GBP4: variants seen among roughly 807,000 people sequenced by gnomAD.
GBP4 encodes the protein guanylate binding protein 4.
In GBP4, 69 loss-of-function variants were observed where a neutral mutation model predicts 62.2. The ratio of observed to expected loss-of-function variants is 1.11; its 90% CI spans 0.91 to 1.36. GBP4 has a LOEUF of 1.36. Among genes scored for constraint, GBP4 ranks in the 40% most tolerant of loss-of-function variants. GBP4 has a pLI of 0.00. For missense variants in GBP4, 697 were observed against 759.3 expected (o/e 0.92, Z 0.96); for synonymous variants, 278 against 274.6 (o/e 1.01, Z -0.12).
chr1:89,197,430 G>A, intron 1 of GBP4, 126 bp from the exon 2 acceptor site: 3 of 612,308 alleles, frequency 4.9e-6, no homozygotes, highest in East Asian at 2.9e-5. Flanking sequence ...ACATTTTAAT[G>A]GTATATAAAT....
chr1:89,184,324 A>G lies in GBP4; in HGVS notation c.*930T>C, dbSNP rs1351536693. 1 of 152,196 alleles carries G rather than the reference A, an allele frequency of 6.6e-6. No individual in the cohort carries two copies. The highest frequency in any genetic ancestry group is 1.5e-5 in the Non-Finnish European group (1 of 68,032). The allele number at this position is 152,196 out of a possible 1,614,324, so 9.4% of individuals were successfully genotyped here. A position where few individuals can be genotyped will look rare whatever the true frequency, so the allele number is the denominator to read the frequency against. Reference sequence around the variant, plus strand: ...ACTCAGAATTACCATTCAACTCAGCAATCCCATTATTCCCAAAGGAATGCA... The same window carrying G: ...ACTCAGAATTACCATTCAACTCAGCGATCCCATTATTCCCAAAGGAATGCA... On this transcript the variant is annotated 3_prime_UTR_variant, in exon 11 of 11. Coordinates refer to ENST00000355754, the MANE Select transcript of GBP4 (RefSeq NM_052941.5).
At chr1:89,192,398 C>T (rs528766949) in intron 5 of GBP4, among the ~76,000 whole-genome samples, 34 of 151,924 alleles carry the variant, frequency 2.2e-4, no homozygotes, top group Non-Finnish European at 4.0e-4. Context: ...CTTCCTGGAT[C>T]GTTTGCTGTA....
At chr1:89,194,746 CA>C (rs1157657972) in intron 3 of GBP4, among the ~76,000 whole-genome samples, 2 of 152,134 alleles carry the variant, frequency 1.3e-5, no homozygotes, top group African/African-American at 4.8e-5. Context: ...AGAGTTGAAC[CA>C]AAATGTTAGT....
chr1:89,195,005 C>A (rs1193486052), intron 3 of GBP4, among the ~76,000 whole-genome samples: 1 of 152,160 alleles, frequency 6.6e-6, no homozygotes, highest in East Asian at 1.9e-4. Flanking sequence ...GGCTCTTGGC[C>A]TTTACCTTGT....
Position 89,184,030 on chromosome 1 carries a change from C to T in GBP4, c.*1224G>A, listed in dbSNP as rs1415494752. ...AAAAAATTTACAAGCGAAAAACAAG[C>T]AACCCCATTAAAAAGAAAGTGGGCA... On this transcript the variant is annotated 3_prime_UTR_variant, in exon 11 of 11. Coordinates refer to ENST00000355754, the MANE Select transcript of GBP4 (RefSeq NM_052941.5). The T allele has an allele frequency of 6.6e-6, 1 of 152,152 alleles. No individual in the cohort carries two copies. The highest frequency in any genetic ancestry group is 2.4e-5 in the African/African-American group (1 of 41,422). 9.4% of individuals were successfully genotyped at this position (152,152 alleles called of 1,614,324 possible).
In GBP4 at chr1:89,188,662, G is replaced by A; in HGVS notation, c.1330C>T (p.Pro444Ser). Residue 444 changes from proline to serine, a missense_variant, in exon 8 of 11, where the codon CCT becomes TCT. By Grantham distance (74) the Pro-to-Ser change is moderately conservative. Transcript: ENST00000355754. ...ESILRGIFSV[P>S]GGHNLYLEEK... ...TCTAAGTAGAGATTGTGTCCTCCAG[G>A]AACAGAGAAAATTCCTCTCAAAATG... 1 of 1,614,146 alleles carries A rather than the reference G, an allele frequency of 6.2e-7. No homozygotes were observed. Among genetic ancestry groups the A allele is most frequent in the Non-Finnish European group, 8.5e-7 (1 of 1,180,010 alleles).
intron 3 of GBP4, among the ~76,000 whole-genome samples, chr1:89,193,828 C>A (rs113507728): frequency 6.6e-6 from 1 of 152,162 alleles, no homozygotes; most frequent in Non-Finnish European, 1.5e-5. Context: ...AAGTTCCTCA[C>A]GACAGTCCCT....
At chr1:89,188,537 T>A in intron 8 of GBP4, 45 bp downstream of exon 8, 2 of 1,502,810 alleles carry the variant, frequency 1.3e-6, no homozygotes, top group Non-Finnish European at 1.9e-6. Flanking sequence ...ACAAAAACCC[T>A]CTGACTATCC....
chr1:89,198,808 T>C lies in GBP4; in HGVS notation c.27A>G (p.Ala9=), dbSNP rs911752722. ...GAGCAAACTTACCTGGTGTGGGCAC[T>C]GCAGCGTGAAGAGTTCTCTCACCCA... MGERTLHA[A]VPTPGYPESE... is the part of the protein sequence containing the mutation. Residue 9 remains alanine, a synonymous_variant, in exon 1 of 11, where the codon GCA becomes GCG. Transcript: ENST00000355754. The C allele has an allele frequency of 2.5e-6, 4 of 1,613,962 alleles. No homozygotes were observed. The highest frequency in any genetic ancestry group is 2.5e-6 in the Non-Finnish European group (3 of 1,179,802).
At position 89,184,143 on chromosome 1, in the gene GBP4, GCATAC is replaced by G. The variant is rs1311183854; in HGVS notation, c.*1106_*1110del. ...CATCATCACTAATCACTACAGAAAT[GCATAC>G]CATCTCACACCAGTCAGAATGGCTG... On this transcript the variant is annotated 3_prime_UTR_variant, in exon 11 of 11. Coordinates refer to ENST00000355754, the MANE Select transcript of GBP4 (RefSeq NM_052941.5). 6.6e-6 allele frequency: 1 copy of G among 152,138 alleles called. No homozygotes were observed. The highest frequency in any genetic ancestry group is 6.5e-5 in the Admixed American group (1 of 15,278). 9.4% of individuals were successfully genotyped at this position (152,138 alleles called of 1,614,324 possible).
chr1:89,197,361 G>GTAGCCCTTAGGGAT, intron 1 of GBP4, 57 bp from the exon 2 acceptor site: 2 of 1,415,870 alleles, frequency 1.4e-6, no homozygotes, highest in Non-Finnish European at 1.9e-6. Flanking sequence ...CATCCCTAAG[G>GTAGCCCTTAGGGAT]GCTACCTAAG....
In GBP4 at chr1:89,193,475, G is replaced by T. The variant is rs2100678137; in HGVS notation, c.364-63C>A. ...TCTTCATTCATTCATTCATTCATTT[G>T]GTTGTTCATTAGCTATTTCAGCTGT... is the stretch of plus-strand genomic sequence containing the variant. On this transcript the variant is annotated intron_variant, in intron 3 of 10. Coordinates refer to ENST00000355754, the MANE Select transcript of GBP4 (RefSeq NM_052941.5). 3.7e-6 allele frequency: 5 copies of T among 1,363,184 alleles called. No individual in the cohort carries two copies. In the South Asian group the frequency reaches 6.2e-5, roughly 17 times the overall value. The allele number at this position is 1,363,184 out of a possible 1,614,324, so 84.4% of individuals were successfully genotyped here. A position where few individuals can be genotyped will look rare whatever the true frequency, so the allele number is the denominator to read the frequency against.
Position 89,185,461 on chromosome 1 carries a change from T to C in GBP4, c.1716A>G (p.Glu572=), listed in dbSNP as rs1456998705. Residue 572 remains glutamate (E), a synonymous_variant, in exon 11 of 11, where the codon GAA becomes GAG. Coordinates refer to ENST00000355754, the MANE Select transcript of GBP4 (RefSeq NM_052941.5). ...TTTGAAATTCTTCCTTAAGCATTTC[T>C]TCTTGTACCTATAAAAGGGAAATAG... ...RLLKHKLKVQ[E]EMLKEEFQKK... 6.6e-7 allele frequency: 1 copy of C among 1,510,374 alleles called. No individual in the cohort carries two copies. The allele number at this position is 1,510,374 out of a possible 1,614,324, so 93.6% of individuals were successfully genotyped here.
rs760658066 is a variant in GBP4, at chr1:89,195,277, G to C, written c.363+20C>G. Reference sequence around the variant, plus strand: ...AAAGATGAGAGGTCAACCATGAGCGGTGAAGTTTCTCTGCCTTACCTTTTC... The same window carrying C: ...AAAGATGAGAGGTCAACCATGAGCGCTGAAGTTTCTCTGCCTTACCTTTTC... On this transcript the variant is annotated intron_variant, in intron 3 of 10. Transcript: ENST00000355754. 6.2e-7 allele frequency: 1 copy of C among 1,612,610 alleles called. No homozygotes were observed. The highest frequency in any genetic ancestry group is 1.7e-5 in the Admixed American group (1 of 59,958).
chr1:89,193,540 C>A, intron 3 of GBP4, 128 bp from the exon 4 acceptor site: 1 of 734,848 alleles, frequency 1.4e-6, no homozygotes, highest in South Asian at 2.1e-5. Flanking sequence ...AATTTTGAAG[C>A]CAATGCTGAA....
At chr1:89,193,699 T>C (rs1019663452) in intron 3 of GBP4, among the ~76,000 whole-genome samples, 2 of 152,202 alleles carry the variant, frequency 1.3e-5, no homozygotes, top group Non-Finnish European at 2.9e-5. Flanking sequence ...AATTATTCCA[T>C]TGCAATTTTG....
At chr1:89,185,618 G>T in intron 10 of GBP4, 149 bp from the exon 11 acceptor site, 1 of 593,256 alleles carries the variant, frequency 1.7e-6, no homozygotes, top group Non-Finnish European at 3.0e-6. Flanking sequence ...AACATTTCCA[G>T]ATGATTGGAC....
At chr1:89,189,720 A>G (rs1341809532) in intron 7 of GBP4, among the ~76,000 whole-genome samples, 1 of 152,218 alleles carries the variant, frequency 6.6e-6, no homozygotes, top group Non-Finnish European at 1.5e-5. Flanking sequence ...AGCCTCTTTG[A>G]CACCTTGTTT....
rs1487926922 is a variant in GBP4, at chr1:89,197,300, AT to A, written c.44del (p.Tyr15PhefsTer8). 3 of 1,613,330 alleles carry A rather than the reference AT, an allele frequency of 1.9e-6. No individual in the cohort carries two copies. The highest frequency in any genetic ancestry group is 2.5e-6 in the Non-Finnish European group (3 of 1,179,548). ...TLHAAVPTPG[Y>X]PESESIMMAP... ...CCATCATGATGGATTCAGATTCTGG[AT>A]AACCTGTAACCCAGAAAAAAATACT... On this transcript the variant is annotated frameshift_variant, in exon 2 of 11. Coordinates refer to ENST00000355754, the MANE Select transcript of GBP4 (RefSeq NM_052941.5). LOFTEE classifies it high-confidence loss of function.
Sources: allele counts gnomAD v4.1 joint callset (sites outside exome capture counted in the v4.1 genomes callset), GRCh38; gene constraint gnomAD v4.1.1; transcripts MANE v1.5; gene names NCBI Gene and HGNC (gene_info 2026-07-23, HGNC 2026-07-21).